The following ETHE1 variants were observed in gnomAD, a reference collection of about 807,000 sequenced individuals.
ETHE1 encodes the protein persulfide dioxygenase ETHE1, mitochondrial.
In ETHE1, 16 loss-of-function variants were observed where a neutral mutation model predicts 25.7. The ratio of observed to expected loss-of-function variants is 0.62; its 90% CI spans 0.42 to 0.95. ETHE1 has a LOEUF of 0.95. Ranked by LOEUF, ETHE1 falls within the 40% of genes least tolerant of loss-of-function variation. The pLI is 0.00. For missense variants in ETHE1, 300 were observed against 333.6 expected (o/e 0.90, Z 0.79); for synonymous variants, 139 against 135.9 (o/e 1.02, Z -0.16).
chr19:43,510,978 ACT>A (rs1285152939), intron 4 of ETHE1, among the ~76,000 whole-genome samples: 2 of 151,180 alleles, frequency 1.3e-5, no homozygotes, highest in African/African-American at 4.9e-5. Context: ...AGGAGCACAA[ACT>A]CTATTGCGAA....
At chr19:43,522,911 A>G (rs1006819161) in intron 3 of ETHE1, among the ~76,000 whole-genome samples, 3 of 152,224 alleles carry the variant, frequency 2.0e-5, no homozygotes, top group African/African-American at 4.8e-5. Context: ...CTACCTGTAA[A>G]AACTGAAAAT....
chr19:43,521,616 G>A (rs926214788), intron 3 of ETHE1, among the ~76,000 whole-genome samples: 2 of 151,418 alleles, frequency 1.3e-5, no homozygotes, highest in Non-Finnish European at 2.9e-5. Flanking sequence ...ATTGCAGTGA[G>A]CCAAGATTGT....
In ETHE1 at chr19:43,506,853, G is replaced by A. The variant is rs777230548; in HGVS notation, c.762C>T (p.Ala254=). ...NMRCGVQTPT[A] is the part of the protein sequence containing the mutation. ...GGAGCATCTGACAGAAGTGAGATCA[G>A]GCAGTGGGTGTCTGCACCCCACAGC... The change falls in exon 7 of 7, where the codon GCC becomes GCT. Residue 254 remains alanine, a synonymous_variant. Coordinates refer to ENST00000292147, the MANE Select transcript of ETHE1 (RefSeq NM_014297.5). 20 of 1,613,544 alleles carry A rather than the reference G, an allele frequency of 1.2e-5. No homozygotes were observed. The South Asian group carries it at 2.2e-4, about 18-fold the overall frequency.
rs1035649383 is a variant in ETHE1, at chr19:43,513,490, G to A, written c.376-1924C>T. Among the ~76,000 whole-genome samples the A allele has an allele frequency of 3.3e-5, 5 of 152,216 alleles. No individual in the cohort carries two copies. In the East Asian group the frequency reaches 9.6e-4, roughly 29 times the overall value. On this transcript the variant is annotated intron_variant, in intron 3 of 6. Coordinates refer to ENST00000292147, the MANE Select transcript of ETHE1 (RefSeq NM_014297.5). ...TCAGCATGACCTGGATTTGAGACAT[G>A]GAGTAAAAGATCTTTTTGGAGCTTT...
intron 3 of ETHE1, among the ~76,000 whole-genome samples, chr19:43,519,257 A>C (rs1600006714): frequency 6.6e-6 from 1 of 151,990 alleles, no homozygotes; most frequent in Middle Eastern, 3.4e-3. Flanking sequence ...GGTGATCCGC[A>C]CACCTCGGCT....
intron 4 of ETHE1, among the ~76,000 whole-genome samples, chr19:43,510,270 T>C (rs116543557): frequency 1.2e-3 from 182 of 151,986 alleles, no homozygotes; most frequent in African/African-American, 4.1e-3. Context: ...GCAGCTAGAC[T>C]CCAAATGGAT....
intron 3 of ETHE1, among the ~76,000 whole-genome samples, chr19:43,514,404 T>C (rs769697328): frequency 3.9e-5 from 6 of 152,062 alleles, no homozygotes; most frequent in Non-Finnish European, 5.9e-5. Flanking sequence ...TCCACCATGA[T>C]TGGGAGGCCT....
chr19:43,520,132 T>C (rs1972111620), intron 3 of ETHE1, among the ~76,000 whole-genome samples: 1 of 151,520 alleles, frequency 6.6e-6, no homozygotes, highest in Non-Finnish European at 1.5e-5. Flanking sequence ...GTGGATCACT[T>C]GAGGTCAGGA....
At chr19:43,525,538 C>A (rs1348761360) in intron 3 of ETHE1, 1 of 153,144 alleles carries the variant, frequency 6.5e-6, no homozygotes, top group South Asian at 2.1e-4. Flanking sequence ...CTGGCCCTCC[C>A]TCCTTCGGCC....
chr19:43,513,644 C>G (rs1971963276), intron 3 of ETHE1, among the ~76,000 whole-genome samples: 2 of 152,036 alleles, frequency 1.3e-5, no homozygotes, highest in African/African-American at 2.4e-5. Context: ...TATGAAATAA[C>G]TAAACTTGCT....
rs1277182279 is a variant in ETHE1, at chr19:43,506,941, G to C, written c.713-39C>G. Reference sequence around the variant, plus strand: ...ATCAAGGTTAAAACTAAGGGGCCTAGGTAGAGTTCCAGGCCCCACTGGAGA... The same window carrying C: ...ATCAAGGTTAAAACTAAGGGGCCTACGTAGAGTTCCAGGCCCCACTGGAGA... On this transcript the variant is annotated intron_variant, in intron 6 of 6. Transcript: ENST00000292147. The C allele has an allele frequency of 4.1e-5, 66 of 1,610,814 alleles. No individual in the cohort carries two copies. In the Admixed American group the frequency reaches 1.1e-3, roughly 26 times the overall value.
chr19:43,523,020 G>A (rs917648811), intron 3 of ETHE1, among the ~76,000 whole-genome samples: 1 of 152,240 alleles, frequency 6.6e-6, no homozygotes, highest in African/African-American at 2.4e-5. Context: ...CATGTAGAGT[G>A]GAAAAAAGGC....
intron 4 of ETHE1, among the ~76,000 whole-genome samples, chr19:43,510,335 CTT>C (rs11330382): frequency 5.2e-4 from 69 of 133,212 alleles, no homozygotes; most frequent in Non-Finnish European, 5.1e-4. Context: ...CTTTTTTTAT[CTT>C]TTTTTTTTTT....
At chr19:43,511,599 C>T in intron 3 of ETHE1, 33 bp from the exon 4 acceptor site, 2 of 1,607,232 alleles carry the variant, frequency 1.2e-6, no homozygotes, top group East Asian at 2.2e-5. Flanking sequence ...GAGATAGTCA[C>T]CAAGAAGCCT....
intron 3 of ETHE1, among the ~76,000 whole-genome samples, chr19:43,522,361 G>A (rs1972153106): frequency 6.6e-6 from 1 of 152,116 alleles, no homozygotes; most frequent in African/African-American, 2.4e-5. Context: ...GGAGTTGGAG[G>A]CTGCAATGAG....
intron 3 of ETHE1, 106 bp downstream of exon 3, chr19:43,526,095 G>GT: frequency 6.4e-7 from 1 of 1,555,682 alleles, no homozygotes; most frequent in Non-Finnish European, 8.8e-7. Context: ...AGGTCCTGAG[G>GT]TCCCTCCTCC....
At chr19:43,523,347 T>C (rs1446850341) in intron 3 of ETHE1, among the ~76,000 whole-genome samples, 3 of 152,140 alleles carry the variant, frequency 2.0e-5, no homozygotes, top group Non-Finnish European at 4.4e-5. Context: ...CTTGGCTCAC[T>C]GCAACCTCTG....
At chr19:43,521,670 T>TAAA (rs780192720) in intron 3 of ETHE1, among the ~76,000 whole-genome samples, 14 of 131,864 alleles carry the variant, frequency 1.1e-4, no homozygotes, top group African/African-American at 3.9e-4. Flanking sequence ...ACTCTGTCTC[T>TAAA]AAAAAAAAAA....
chr19:43,517,747 C>A (rs376863011), intron 3 of ETHE1, among the ~76,000 whole-genome samples: 4 of 150,754 alleles, frequency 2.7e-5, no homozygotes, highest in African/African-American at 9.8e-5. Context: ...CTGCACTCCA[C>A]CCTGGGTGAC....
Sources: allele counts gnomAD v4.1 joint callset (sites outside exome capture counted in the v4.1 genomes callset), GRCh38; gene constraint gnomAD v4.1.1; transcripts MANE v1.5; gene names NCBI Gene and HGNC (gene_info 2026-07-23, HGNC 2026-07-21).